The following ERC2 variants were observed in gnomAD, a reference collection of about 807,000 sequenced individuals.
ERC2 encodes ELKS/RAB6-interacting/CAST family member 2.
In ERC2, 42 loss-of-function variants were observed where a neutral mutation model predicts 114.8. The ratio of observed to expected loss-of-function variants is 0.37; its 90% CI spans 0.29 to 0.47. The LOEUF (loss-of-function observed/expected upper bound fraction) is 0.47. Among genes scored for constraint, ERC2 ranks in the 20% least tolerant of loss-of-function variants. The probability of loss-of-function intolerance (pLI) is 0.99; values close to 1 mark genes in which losing one functional copy is unlikely to be tolerated. For missense variants in ERC2, 939 were observed against 1,150.7 expected (o/e 0.82, Z 2.66); for synonymous variants, 454 against 425.5 (o/e 1.07, Z -0.82).
Position 55,846,741 on chromosome 3 carries a change from T to C in ERC2, c.2564+41648A>G, listed in dbSNP as rs1575823241. On this transcript the variant is annotated intron_variant, in intron 14 of 17. Coordinates refer to ENST00000288221, the MANE Select transcript of ERC2 (RefSeq NM_015576.3). Reference sequence around the variant, plus strand: ...TCTCTGCATTGGTTCTGATTTCAGGTTACGTCTGCATTATGTGTTTTGTCA... The same window carrying C: ...TCTCTGCATTGGTTCTGATTTCAGGCTACGTCTGCATTATGTGTTTTGTCA... Among the ~76,000 whole-genome samples the C allele has an allele frequency of 4.7e-5, 7 of 149,788 alleles. 2 individuals carry two copies. In the South Asian group the frequency reaches 1.5e-3, roughly 32 times the overall value.
At chr3:55,735,776 G>T (rs2065594096) in intron 14 of ERC2, among the ~76,000 whole-genome samples, 1 of 152,108 alleles carries the variant, frequency 6.6e-6, no homozygotes, top group African/African-American at 2.4e-5. Flanking sequence ...TTTAATGCAA[G>T]ATTTTCTTTT....
intron 14 of ERC2, among the ~76,000 whole-genome samples, chr3:55,776,387 A>C (rs1372878993): frequency 8.5e-5 from 13 of 152,130 alleles, no homozygotes; most frequent in Admixed American, 8.5e-4. Flanking sequence ...ACATAATGTG[A>C]CTAAGGATGG....
At chr3:56,002,950 C>T (rs2072187900) in intron 10 of ERC2, 1 of 519,542 alleles carries the variant, frequency 1.9e-6, no homozygotes, top group South Asian at 1.6e-5. Context: ...TGGCAGTGGC[C>T]TCAGCACAGA....
chr3:56,296,853 C>T (rs1349640942), intron 2 of ERC2, among the ~76,000 whole-genome samples: 3 of 152,042 alleles, frequency 2.0e-5, no homozygotes, highest in Admixed American at 1.3e-4. Flanking sequence ...CATTATTTCC[C>T]ACGATCAATA....
rs1431810492 is a variant in ERC2, at chr3:56,291,247, T to TTG, written c.1074+4771_1074+4772insCA. ...AGAACAAGGTAAACGTCAAACAATG[T>TTG]CTTATCAAATCAACCTGCATCCAAA... On this transcript the variant is annotated intron_variant, in intron 3 of 17. Coordinates refer to ENST00000288221, the MANE Select transcript of ERC2 (RefSeq NM_015576.3). Among the ~76,000 whole-genome samples, 10 of 152,334 alleles carry TTG rather than the reference T, an allele frequency of 6.6e-5. No individual in the cohort carries two copies. In the East Asian group the frequency reaches 1.9e-3, roughly 29 times the overall value.
chr3:55,730,819 C>T (rs2065211020), intron 15 of ERC2, among the ~76,000 whole-genome samples: 1 of 152,204 alleles, frequency 6.6e-6, no homozygotes, highest in Non-Finnish European at 1.5e-5. Flanking sequence ...CCACTGTACT[C>T]TAGCCTGGGT....
rs141988417 is a variant in ERC2 at position 55,815,682 on chromosome 3, T to G, written c.2564+72707A>C. On this transcript the variant is annotated intron_variant, in intron 14 of 17. Transcript: ENST00000288221. ...ATAATAAACATGTGATATTTTAAGC[T>G]GCCACCTCTGTGTAATTCGTTATGG... 5.3e-5 allele frequency among the ~76,000 whole-genome samples: 8 copies of G among 152,318 alleles called. No individual in the cohort carries two copies. The East Asian group carries it at 1.5e-3, about 29-fold the overall frequency.
intron 17 of ERC2, among the ~76,000 whole-genome samples, chr3:55,566,843 T>C (rs1011011305): frequency 6.6e-6 from 1 of 152,054 alleles, no homozygotes; most frequent in African/African-American, 2.4e-5. Flanking sequence ...GGATTACAGG[T>C]GTATGTCACC....
At chr3:56,192,121 CT>C (rs1455966044) in intron 3 of ERC2, among the ~76,000 whole-genome samples, 2 of 151,900 alleles carry the variant, frequency 1.3e-5, no homozygotes, top group African/African-American at 2.4e-5. Flanking sequence ...AGCCTTTCCT[CT>C]TAGCCATTAT....
At chr3:55,951,484 G>C (rs889934489) in intron 12 of ERC2, among the ~76,000 whole-genome samples, 2 of 152,074 alleles carry the variant, frequency 1.3e-5, no homozygotes, top group Non-Finnish European at 2.9e-5. Flanking sequence ...ATAAAGAATG[G>C]GTTCAAGAAA....
chr3:55,569,017 C>T (rs2056544295), intron 17 of ERC2, among the ~76,000 whole-genome samples: 1 of 152,178 alleles, frequency 6.6e-6, no homozygotes, highest in South Asian at 2.1e-4. Context: ...GCTCCCTCAC[C>T]TTCTTCAGGC....
intron 6 of ERC2, among the ~76,000 whole-genome samples, chr3:56,094,398 G>T (rs2077948030): frequency 6.6e-6 from 1 of 152,152 alleles, no homozygotes; most frequent in African/African-American, 2.4e-5. Context: ...AGGGCTCAGA[G>T]ACCTAGTGTA....
rs374046716 is a variant in ERC2, at chr3:55,555,487, G to C, written c.*40-44211C>G. Reference sequence around the variant, plus strand: ...TTCCAGAAAGAGAAATGGGTACCAGGGCCGCTTGCAATGTTAGGGGGAGGG... The same window carrying C: ...TTCCAGAAAGAGAAATGGGTACCAGCGCCGCTTGCAATGTTAGGGGGAGGG... On this transcript the variant is annotated intron_variant, in intron 17 of 17. Transcript: ENST00000288221. Among the ~76,000 whole-genome samples the C allele has an allele frequency of 7.2e-5, 11 of 152,248 alleles. No individual in the cohort carries two copies. The East Asian group carries it at 2.1e-3, about 29-fold the overall frequency.
intron 2 of ERC2, among the ~76,000 whole-genome samples, chr3:56,373,178 C>G (rs1214331422): frequency 6.6e-6 from 1 of 152,138 alleles, no homozygotes; most frequent in African/African-American, 2.4e-5. Flanking sequence ...ACCAAGACAG[C>G]ATTTTATCAG....
intron 4 of ERC2, among the ~76,000 whole-genome samples, chr3:56,158,714 C>G (rs796592485): frequency 2.0e-5 from 3 of 151,752 alleles, no homozygotes; most frequent in African/African-American, 4.8e-5. Context: ...CTCTTTGGAA[C>G]CTTCTCAGTT....
chr3:56,216,602 C>T (rs2049492360), intron 3 of ERC2, among the ~76,000 whole-genome samples: 1 of 152,130 alleles, frequency 6.6e-6, no homozygotes, highest in Admixed American at 6.5e-5. Context: ...GAAACTATTC[C>T]CATCAATAGA....
chr3:56,326,915 G>T (rs1459360425), intron 2 of ERC2, among the ~76,000 whole-genome samples: 2 of 152,084 alleles, frequency 1.3e-5, no homozygotes, highest in Non-Finnish European at 2.9e-5. Context: ...GATTTCTCTG[G>T]GGATCCCTGG....
chr3:55,996,572 C>T (rs1475821056), intron 10 of ERC2, among the ~76,000 whole-genome samples: 1 of 152,148 alleles, frequency 6.6e-6, no homozygotes, highest in Non-Finnish European at 1.5e-5. Flanking sequence ...GAAATGTCTG[C>T]ATCGCATACT....
At chr3:55,786,255 T>TG (rs1418827951) in intron 14 of ERC2, among the ~76,000 whole-genome samples, 15 of 152,354 alleles carry the variant, frequency 9.8e-5, no homozygotes, top group African/African-American at 3.4e-4. Flanking sequence ...AACCAAAGCA[T>TG]GGCTTAACTA....
Sources: gnomAD v4.1 joint callset for allele counts (sites outside exome capture counted in the v4.1 genomes callset) on GRCh38, gnomAD v4.1.1 for gene constraint, MANE v1.5 for transcripts, NCBI Gene and HGNC (gene_info 2026-07-23, HGNC 2026-07-21) for gene names.